Variants in LYRM7 observed in about 807,000 individuals in gnomAD.
LYRM7 encodes complex III assembly factor LYRM7.
A neutral mutation model predicts 15.8 loss-of-function variants in LYRM7; 9 were observed. The observed-to-expected ratio is 0.57, with a 90% CI of 0.34 to 0.99. The LOEUF is 0.99. Ranked by LOEUF, LYRM7 falls within the 50% of genes least tolerant of loss-of-function variation. The pLI is 0.02. For missense variants in LYRM7, 115 were observed against 119.1 expected (o/e 0.97, Z 0.16); for synonymous variants, 39 against 39.4 (o/e 0.99, Z 0.04).
At chr5:131,194,577 G>T (rs1418966738) in intron 4 of LYRM7, among the ~76,000 whole-genome samples, 1 of 152,178 alleles carries the variant, frequency 6.6e-6, no homozygotes, top group Non-Finnish European at 1.5e-5. Flanking sequence ...AATCTGTTTT[G>T]CTGGCAGGAG....
At position 131,205,176 on chromosome 5, in the gene LYRM7, G is replaced by A. The variant is rs777610263; in HGVS notation, c.*5575G>A. The A allele has an allele frequency of 5.3e-5, 8 of 152,078 alleles. No individual in the cohort carries two copies. Among genetic ancestry groups the A allele is most frequent in the Non-Finnish European group, 8.8e-5 (6 of 67,994 alleles). The allele number at this position is 152,078 out of a possible 1,614,324, so 9.4% of individuals were successfully genotyped here. A position where few individuals can be genotyped will look rare whatever the true frequency, so the allele number is the denominator to read the frequency against. ...CCTTCTCTTTCTCCTCTCTCTCCAG[G>A]ATAATTACTGTTTTATAGTTTGTGG... On this transcript the variant is annotated 3_prime_UTR_variant, in exon 5 of 5. Transcript: ENST00000379380.
Position 131,199,602 on chromosome 5 carries a change from G to C in LYRM7, c.*1G>C. ...TGATGCACCAACTCAGAAGCAATGA[G>C]TTTTCTAGAATACAACAAGTCTTTG... is the stretch of plus-strand genomic sequence containing the variant. On this transcript the variant is annotated 3_prime_UTR_variant, in exon 5 of 5. Transcript: ENST00000379380. 1 of 1,594,824 alleles carries C rather than the reference G, an allele frequency of 6.3e-7. No homozygotes were observed. Among genetic ancestry groups the C allele is most frequent in the Non-Finnish European group, 8.5e-7 (1 of 1,170,248 alleles).
chr5:131,199,485 C>A, intron 4 of LYRM7, 46 bp from the exon 5 acceptor site: 2 of 1,349,370 alleles, frequency 1.5e-6, no homozygotes, highest in South Asian at 1.4e-5. Context: ...GCATTTAATT[C>A]TAATTTTAGT....
At chr5:131,177,592 T>C (rs189690582) in intron 1 of LYRM7, among the ~76,000 whole-genome samples, 39 of 152,364 alleles carry the variant, frequency 2.6e-4, no homozygotes, top group Admixed American at 1.2e-3. Context: ...GGTACCATTC[T>C]GATTTTTTCC....
At chr5:131,174,589 C>A (rs913754177) in intron 1 of LYRM7, among the ~76,000 whole-genome samples, 4 of 152,186 alleles carry the variant, frequency 2.6e-5, no homozygotes, top group Non-Finnish European at 5.9e-5. Flanking sequence ...GCTCACACCT[C>A]TAATCCCAGC....
chr5:131,174,772 A>C (rs1755572748), intron 1 of LYRM7, among the ~76,000 whole-genome samples: 1 of 152,132 alleles, frequency 6.6e-6, no homozygotes, highest in Non-Finnish European at 1.5e-5. Context: ...TGAGCCCAGA[A>C]GATCGAGACT....
At chr5:131,183,209 T>C (rs1171184050) in intron 3 of LYRM7, among the ~76,000 whole-genome samples, 1 of 152,094 alleles carries the variant, frequency 6.6e-6, no homozygotes, top group Non-Finnish European at 1.5e-5. Flanking sequence ...ATGGAGCTCA[T>C]GAGACAAAAT....
intron 1 of LYRM7, among the ~76,000 whole-genome samples, chr5:131,178,227 C>T (rs1755631165): frequency 6.6e-6 from 1 of 152,090 alleles, no homozygotes; most frequent in Non-Finnish European, 1.5e-5. Context: ...AAATGTTAGA[C>T]AGTATTTGCA....
In LYRM7 at chr5:131,200,998, G is replaced by C. The variant is rs1263587819; in HGVS notation, c.*1397G>C. 2 of 152,026 alleles carry C rather than the reference G, an allele frequency of 1.3e-5. No individual in the cohort carries two copies. Among genetic ancestry groups the C allele is most frequent in the Non-Finnish European group, 2.9e-5 (2 of 67,992 alleles). 9.4% of individuals were successfully genotyped at this position (152,026 alleles called of 1,614,324 possible). ...ATTAATAATTCACATGTTTATTAAA[G>C]ATAGTGGCTTAGAAATTTTAAGATA... On this transcript the variant is annotated 3_prime_UTR_variant, in exon 5 of 5. Coordinates refer to ENST00000379380, the MANE Select transcript of LYRM7 (RefSeq NM_181705.4).
In LYRM7 at chr5:131,203,171, T is replaced by C. The variant is rs562600319; in HGVS notation, c.*3570T>C. On this transcript the variant is annotated 3_prime_UTR_variant, in exon 5 of 5. Coordinates refer to ENST00000379380, the MANE Select transcript of LYRM7 (RefSeq NM_181705.4). ...AGATTCCAGTTCTGAAGGTGAGTTT[T>C]CTGAAGCCAAAGTGGATACATGCAA... 6.6e-6 allele frequency: 1 copy of C among 152,494 alleles called. No homozygotes were observed. Among genetic ancestry groups the C allele is most frequent in the East Asian group, 1.9e-4 (1 of 5,324 alleles). The allele number at this position is 152,494 out of a possible 1,614,324, so 9.4% of individuals were successfully genotyped here. A position where few individuals can be genotyped will look rare whatever the true frequency, so the allele number is the denominator to read the frequency against.
rs1238880142 is a variant in LYRM7, at chr5:131,200,563, T to G, written c.*962T>G. ...CTATTTTCTCAGTGAATAGTATGTT[T>G]TCTCCCATTCACTGATAAATTCTCT... is the stretch of plus-strand genomic sequence containing the variant. On this transcript the variant is annotated 3_prime_UTR_variant, in exon 5 of 5. Coordinates refer to ENST00000379380, the MANE Select transcript of LYRM7 (RefSeq NM_181705.4). 1.3e-5 allele frequency: 2 copies of G among 152,340 alleles called. No homozygotes were observed. Among genetic ancestry groups the G allele is most frequent in the Non-Finnish European group, 1.5e-5 (1 of 68,024 alleles). 9.4% of individuals were successfully genotyped at this position (152,340 alleles called of 1,614,324 possible).
chr5:131,184,885 C>T (rs1047405642), intron 3 of LYRM7, among the ~76,000 whole-genome samples: 2 of 152,132 alleles, frequency 1.3e-5, no homozygotes, highest in African/African-American at 4.8e-5. Context: ...TTAATTCCAG[C>T]TCCCTCCTTT....
At chr5:131,187,599 C>T (rs1755818575) in intron 4 of LYRM7, among the ~76,000 whole-genome samples, 1 of 151,936 alleles carries the variant, frequency 6.6e-6, no homozygotes, top group African/African-American at 2.4e-5. Context: ...TTTCTCATGC[C>T]TCAGCCTCCC....
At chr5:131,187,295 T>C (rs1755812265) in intron 4 of LYRM7, among the ~76,000 whole-genome samples, 186 bp downstream of exon 4, 3 of 152,220 alleles carry the variant, frequency 2.0e-5, no homozygotes, top group Admixed American at 2.0e-4. Flanking sequence ...TTGCCACATT[T>C]GTTTCAATTT....
chr5:131,181,441 TA>T (rs1755709409), intron 2 of LYRM7, among the ~76,000 whole-genome samples: 4 of 114,630 alleles, frequency 3.5e-5, no homozygotes, highest in African/African-American at 1.5e-4. Context: ...CATATATATG[TA>T]TATATATATA....
chr5:131,182,820 G>A (rs1755735421), intron 3 of LYRM7, among the ~76,000 whole-genome samples: 1 of 151,978 alleles, frequency 6.6e-6, no homozygotes. Flanking sequence ...AATACTCCTA[G>A]TAGAAGTTTA....
In LYRM7 at chr5:131,201,322, A is replaced by C. The variant is rs1756060711; in HGVS notation, c.*1721A>C. 1 of 151,986 alleles carries C rather than the reference A, an allele frequency of 6.6e-6. No individual in the cohort carries two copies. The highest frequency in any genetic ancestry group is 2.4e-5 in the African/African-American group (1 of 41,356). The allele number at this position is 151,986 out of a possible 1,614,324, so 9.4% of individuals were successfully genotyped here. On this transcript the variant is annotated 3_prime_UTR_variant, in exon 5 of 5. Transcript: ENST00000379380. ...GAGTGAGACTCTGTCTCAAAAAAAAAAAAGAAAAAAAAAGGAAAAAGGAAA... is the reference window on the plus strand; with the variant it reads ...GAGTGAGACTCTGTCTCAAAAAAAACAAAGAAAAAAAAAGGAAAAAGGAAA...
At chr5:131,172,540 G>A (rs1755539285) in intron 1 of LYRM7, among the ~76,000 whole-genome samples, 1 of 152,150 alleles carries the variant, frequency 6.6e-6, no homozygotes, top group Non-Finnish European at 1.5e-5. Context: ...TCCTTGAAGT[G>A]GGGATTTGGT....
chr5:131,189,526 G>A (rs1755852408), intron 4 of LYRM7, among the ~76,000 whole-genome samples: 2 of 144,458 alleles, frequency 1.4e-5, no homozygotes, highest in African/African-American at 5.1e-5. Context: ...GAGTTGGTTT[G>A]TATATGGTAT....
Sources: allele counts gnomAD v4.1 joint callset (sites outside exome capture counted in the v4.1 genomes callset), GRCh38; gene constraint gnomAD v4.1.1; transcripts MANE v1.5; gene names NCBI Gene and HGNC (gene_info 2026-07-23, HGNC 2026-07-21).